Variants in NFKB1 observed in about 807,000 individuals in gnomAD.
NFKB1 encodes the protein nuclear factor kappa B subunit 1.
NFKB1 carries 9 observed loss-of-function variants against 105.1 expected under a neutral mutation model. The ratio of observed to expected loss-of-function variants is 0.09; its 90% CI spans 0.05 to 0.15. The LOEUF is 0.15. Among genes scored for constraint, NFKB1 ranks in the 10% least tolerant of loss-of-function variants. NFKB1 has a pLI of 1.00. For synonymous variants in NFKB1, 440 were observed against 442.2 expected, an observed-to-expected ratio of 1.00 and a Z score of 0.06; for missense variants, 830 against 1,203.7, an observed-to-expected ratio of 0.69 and a Z score of 4.59.
chr4:102,599,573 A>G (rs1726953086), intron 15 of NFKB1, among the ~76,000 whole-genome samples: 2 of 152,120 alleles, frequency 1.3e-5, no homozygotes, highest in African/African-American at 4.8e-5. Flanking sequence ...TTAGACATTC[A>G]TCTGAATGTC....
At position 102,600,993 on chromosome 4, in the gene NFKB1, G is replaced by A. The variant is rs4648086; in HGVS notation, c.1736G>A (p.Arg579Lys). 1,188 of 1,593,296 alleles carry A rather than the reference G, an allele frequency of 7.5e-4. 12 individuals carry two copies. In the South Asian group the frequency reaches 8.9e-3, roughly 12 times the overall value. ...GLISDDIINM[R>K]NDLYQTPLHL... The stretch of plus-strand genomic sequence containing the variant: ...ATTTCTGATGACATTATCAACATGA[G>A]AAATGATCTGTACCAGGTAAGCAGA... Residue 579 changes from arginine to lysine, a missense_variant, in exon 16 of 24, where the codon AGA (arginine) becomes AAA (lysine). Arg to Lys is a conservative substitution (Grantham distance 26). This residue lies in a region of NFKB1 where 418 missense variants were observed against 575.3 expected (regional missense o/e 0.73). Transcript: ENST00000226574.
intron 18 of NFKB1, 27 bp downstream of exon 18, chr4:102,607,346 C>T: frequency 6.3e-7 from 1 of 1,596,338 alleles, no homozygotes. Flanking sequence ...TTTGCTTTTG[C>T]ATTAAATTTC....
At chr4:102,586,433 T>C (rs917650068) in intron 11 of NFKB1, among the ~76,000 whole-genome samples, 3 of 152,058 alleles carry the variant, frequency 2.0e-5, no homozygotes, top group African/African-American at 7.2e-5. Flanking sequence ...AAGTTCTTAG[T>C]AGGCAGATCA....
intron 1 of NFKB1, among the ~76,000 whole-genome samples, chr4:102,513,288 AT>A (rs1437449299): frequency 1.3e-5 from 2 of 152,226 alleles, no homozygotes; most frequent in Non-Finnish European, 2.9e-5. Flanking sequence ...TAATTATAAC[AT>A]TTAAGGTTTT....
At chr4:102,533,741 T>C (rs1741453206) in intron 3 of NFKB1, 104 bp from the exon 4 acceptor site, 2 of 928,710 alleles carry the variant, frequency 2.2e-6, no homozygotes, top group Admixed American at 2.6e-5. Flanking sequence ...TTGAAATTTC[T>C]ACATAAAAAC....
At chr4:102,586,931 GGAGT>G (rs1257570045) in intron 11 of NFKB1, among the ~76,000 whole-genome samples, 1 of 152,242 alleles carries the variant, frequency 6.6e-6, no homozygotes, top group Non-Finnish European at 1.5e-5. Context: ...TGCTGCCACA[GGAGT>G]GTTTAGAAAA....
chr4:102,506,404 T>C (rs1474873386), intron 1 of NFKB1, among the ~76,000 whole-genome samples: 1 of 152,202 alleles, frequency 6.6e-6, no homozygotes, highest in Non-Finnish European at 1.5e-5. Flanking sequence ...CTATCACCCA[T>C]AAATCTGTGA....
chr4:102,583,217 C>T (rs573762919), intron 10 of NFKB1, among the ~76,000 whole-genome samples: 1 of 152,260 alleles, frequency 6.6e-6, no homozygotes, highest in East Asian at 1.9e-4. Flanking sequence ...AACTCCTGGA[C>T]TTAAGCGATT....
chr4:102,540,997 G>C (rs1025122936), intron 5 of NFKB1, among the ~76,000 whole-genome samples: 3 of 152,156 alleles, frequency 2.0e-5, no homozygotes, highest in African/African-American at 7.2e-5. Flanking sequence ...TGCTCGGCGA[G>C]AGACTGTAAG....
At chr4:102,548,866 C>T (rs549334938) in intron 5 of NFKB1, among the ~76,000 whole-genome samples, 2 of 152,210 alleles carry the variant, frequency 1.3e-5, no homozygotes, top group South Asian at 2.1e-4. Context: ...ATTGTGTTTA[C>T]GGCATCCATA....
Position 102,559,952 on chromosome 4 carries a change from AAAAG to A in NFKB1, c.259-7023_259-7020del, listed in dbSNP as rs201560663. On this transcript the variant is annotated intron_variant, in intron 5 of 23. Transcript: ENST00000226574. ...GACCCTGTCCCTTTAAAAAAAAAAAAAAAGAAAGAAAGAAAAAGAAATATAAGAA... is the reference window on the plus strand; with the variant it reads ...GACCCTGTCCCTTTAAAAAAAAAAAAAAAGAAAGAAAAAGAAATATAAGAA... Among the ~76,000 whole-genome samples the A allele has an allele frequency of 9.2e-3, 1,383 of 149,994 alleles. 14 individuals are homozygous for A. The highest frequency in any genetic ancestry group is 0.03 in the African/African-American group (1,218 of 41,240).
At chr4:102,565,541 G>A (rs35680095) in intron 5 of NFKB1, among the ~76,000 whole-genome samples, 28,234 of 152,112 alleles carry the variant, frequency 0.19, 3,088 homozygotes, top group Middle Eastern at 0.3. Context: ...GAAGTTTATA[G>A]TAGAAGTAGG....
At chr4:102,536,193 C>T (rs1294633422) in intron 4 of NFKB1, among the ~76,000 whole-genome samples, 1 of 151,946 alleles carries the variant, frequency 6.6e-6, no homozygotes, top group African/African-American at 2.4e-5. Context: ...AAAAAACCAA[C>T]AGTGTTTGCT....
At chr4:102,599,070 A>G (rs955312347) in intron 15 of NFKB1, among the ~76,000 whole-genome samples, 1 of 152,236 alleles carries the variant, frequency 6.6e-6, no homozygotes, top group Non-Finnish European at 1.5e-5. Flanking sequence ...AGAAAATATA[A>G]TAAAGAAAAA....
intron 23 of NFKB1, among the ~76,000 whole-genome samples, 178 bp from the exon 24 acceptor site, chr4:102,616,256 A>G (rs749416080): frequency 7.2e-5 from 11 of 152,250 alleles, no homozygotes; most frequent in Admixed American, 2.0e-4. Flanking sequence ...ACATCCTCAC[A>G]GTATGTCCCA....
intron 8 of NFKB1, 63 bp from the exon 9 acceptor site, chr4:102,580,472 A>G (rs1343577336): frequency 1.4e-6 from 2 of 1,391,630 alleles, no homozygotes; most frequent in Non-Finnish European, 2.0e-6. Context: ...GGTCCTACCT[A>G]AAGGACTGGC....
intron 11 of NFKB1, among the ~76,000 whole-genome samples, chr4:102,587,185 C>A (rs879723532): frequency 2.0e-5 from 3 of 152,200 alleles, no homozygotes; most frequent in Non-Finnish European, 4.4e-5. Flanking sequence ...CTCCTTACTT[C>A]CCTATCAGGA....
chr4:102,579,130 T>C lies in NFKB1; in HGVS notation c.730+91T>C, dbSNP rs56294222. The C allele has an allele frequency of 1.6e-3, 2,086 of 1,337,830 alleles. 13 individuals are homozygous for C. In the African/African-American group the frequency reaches 0.022, roughly 14 times the overall value. 82.9% of individuals were successfully genotyped at this position (1,337,830 alleles called of 1,614,324 possible). On this transcript the variant is annotated intron_variant, in intron 8 of 23. Transcript: ENST00000226574. ...CTTGCTAGCTGAGTCCTGGGGAAGG[T>C]AACTTAATCACTTTAAGCCTCAGCT... is the stretch of plus-strand genomic sequence containing the variant.
intron 2 of NFKB1, among the ~76,000 whole-genome samples, chr4:102,529,199 T>C (rs761851065): frequency 1.2e-4 from 19 of 152,158 alleles, no homozygotes; most frequent in Non-Finnish European, 2.5e-4. Flanking sequence ...GGGGTCGTTA[T>C]TCAGCTTAAC....
Sources: gnomAD v4.1 joint callset for allele counts (sites outside exome capture counted in the v4.1 genomes callset) on GRCh38, gnomAD v4.1.1 for gene constraint, gnomAD v4.1.1 regional missense constraint, MANE v1.5 for transcripts, NCBI Gene and HGNC (gene_info 2026-07-23, HGNC 2026-07-21) for gene names.